Variants in SLC25A26 observed in about 807,000 individuals in gnomAD.
The protein encoded by SLC25A26 is solute carrier family 25 member 26, also known as mitochondrial S-adenosylmethionine carrier protein.
Under a neutral mutation model 37.8 loss-of-function variants are expected in SLC25A26, and 36 were observed. The observed-to-expected ratio is 0.95, with a 90% CI of 0.73 to 1.26. The LOEUF is 1.26. Ranked by LOEUF, SLC25A26 falls within the 50% of genes most tolerant of loss-of-function variation. The pLI, the probability that SLC25A26 is intolerant of heterozygous loss-of-function variation, is 0.00. For synonymous variants in SLC25A26, 129 were observed against 122.5 expected (o/e 1.05, Z -0.35); for missense variants, 390 against 331.1 (o/e 1.18, Z -1.38).
intron 5 of SLC25A26, among the ~76,000 whole-genome samples, chr3:66,280,580 C>T (rs931676899): frequency 1.8e-4 from 28 of 152,174 alleles, no homozygotes; most frequent in Admixed American, 7.2e-4. Flanking sequence ...GAACTCTTAA[C>T]GCTCGTCTAG....
At chr3:66,377,113 T>C (rs1347501556) in intron 9 of SLC25A26, among the ~76,000 whole-genome samples, 1 of 152,126 alleles carries the variant, frequency 6.6e-6, no homozygotes, top group African/African-American at 2.4e-5. Context: ...GGCATTGTAG[T>C]TTTACTTTGC....
chr3:66,280,509 T>G (rs908010834), intron 5 of SLC25A26, among the ~76,000 whole-genome samples: 9 of 152,204 alleles, frequency 5.9e-5, no homozygotes, highest in Non-Finnish European at 1.3e-4. Context: ...GTGGTGTAAC[T>G]TGATCTACAT....
At chr3:66,256,965 G>C (rs2073328955) in intron 3 of SLC25A26, among the ~76,000 whole-genome samples, 2 of 152,088 alleles carry the variant, frequency 1.3e-5, no homozygotes, top group Non-Finnish European at 1.5e-5. Context: ...TTTTTTTGCT[G>C]ATTCATTTCC....
intron 1 of SLC25A26, among the ~76,000 whole-genome samples, chr3:66,214,012 A>G (rs1236435106): frequency 1.3e-5 from 2 of 152,200 alleles, no homozygotes; most frequent in African/African-American, 4.8e-5. Flanking sequence ...AGTAATGCAA[A>G]AATCCCCAGA....
intron 5 of SLC25A26, among the ~76,000 whole-genome samples, chr3:66,340,840 T>C (rs1205415274): frequency 1.3e-5 from 2 of 152,028 alleles, no homozygotes; most frequent in Non-Finnish European, 2.9e-5. Flanking sequence ...CATTTTTATG[T>C]AACTTTTTGA....
intron 1 of SLC25A26, among the ~76,000 whole-genome samples, chr3:66,211,644 G>A (rs1259379528): frequency 6.6e-6 from 1 of 152,066 alleles, no homozygotes; most frequent in Non-Finnish European, 1.5e-5. Context: ...GTGACCAGTT[G>A]AGAGAAAAAA....
chr3:66,164,244 C>A (rs2070395988), intron 1 of SLC25A26, among the ~76,000 whole-genome samples: 2 of 152,134 alleles, frequency 1.3e-5, no homozygotes, highest in South Asian at 2.1e-4. Flanking sequence ...TTGAAATTTT[C>A]TCTTGTAACA....
chr3:66,307,352 G>A (rs1241459448), intron 5 of SLC25A26, among the ~76,000 whole-genome samples: 2 of 152,112 alleles, frequency 1.3e-5, no homozygotes, highest in Non-Finnish European at 2.9e-5. Context: ...TGATGGGGTC[G>A]TTTGTTTTTT....
At chr3:66,197,944 TAGAC>T (rs2071066288) in intron 1 of SLC25A26, among the ~76,000 whole-genome samples, 1 of 151,970 alleles carries the variant, frequency 6.6e-6, no homozygotes, top group Non-Finnish European at 1.5e-5. Flanking sequence ...GTGATGGTCA[TAGAC>T]AGGATCAGGG....
chr3:66,139,142 T>C (rs1218938513), intron 1 of SLC25A26, among the ~76,000 whole-genome samples: 2 of 151,986 alleles, frequency 1.3e-5, no homozygotes, highest in African/African-American at 4.8e-5. Flanking sequence ...ATCTCACTTC[T>C]CTTTACTGTA....
At chr3:66,158,271 T>C (rs1317462642) in intron 1 of SLC25A26, among the ~76,000 whole-genome samples, 2 of 152,276 alleles carry the variant, frequency 1.3e-5, no homozygotes, top group Admixed American at 6.5e-5. Flanking sequence ...GTTTCATCTA[T>C]GTTGTAGCAT....
At chr3:66,202,412 A>C (rs1217085707) in intron 1 of SLC25A26, among the ~76,000 whole-genome samples, 2 of 151,668 alleles carry the variant, frequency 1.3e-5, no homozygotes, top group Non-Finnish European at 2.9e-5. Context: ...TACCAAATGC[A>C]TGTGGGGCTT....
At chr3:66,297,179 A>G (rs2074929556) in intron 5 of SLC25A26, among the ~76,000 whole-genome samples, 1 of 151,954 alleles carries the variant, frequency 6.6e-6, no homozygotes, top group African/African-American at 2.4e-5. Flanking sequence ...TACAAAAAAA[A>G]TAGCTGGGCA....
chr3:66,135,817 A>G (rs1468726476), intron 1 of SLC25A26, among the ~76,000 whole-genome samples: 1 of 152,186 alleles, frequency 6.6e-6, no homozygotes, highest in Non-Finnish European at 1.5e-5. Context: ...CAGTCTTAAC[A>G]TAAGTATAAG....
At chr3:66,276,719 T>A (rs1340252364) in intron 5 of SLC25A26, among the ~76,000 whole-genome samples, 1 of 152,060 alleles carries the variant, frequency 6.6e-6, no homozygotes, top group East Asian at 1.9e-4. Flanking sequence ...CTTGAAGTGG[T>A]TTTGGTATAC....
In SLC25A26 at chr3:66,371,223, C is replaced by T. The variant is rs764395489; in HGVS notation, c.707+621C>T. On this transcript the variant is annotated intron_variant, in intron 9 of 9. Coordinates refer to ENST00000354883, the MANE Select transcript of SLC25A26 (RefSeq NM_001379210.1). ...TTAGGGACCATATACCAGGGATTTT[C>T]TTGCAAGAGCAAAGCAGTGGCCTCC... is the stretch of plus-strand genomic sequence containing the variant. 31 of 1,523,898 alleles carry T rather than the reference C, an allele frequency of 2.0e-5. No individual in the cohort carries two copies. In the South Asian group the frequency reaches 2.6e-4, roughly 13 times the overall value. 94.4% of individuals were successfully genotyped at this position (1,523,898 alleles called of 1,614,324 possible).
chr3:66,155,087 T>C (rs1162199488), intron 1 of SLC25A26, among the ~76,000 whole-genome samples: 1 of 152,228 alleles, frequency 6.6e-6, no homozygotes, highest in African/African-American at 2.4e-5. Context: ...CTTTATTTGA[T>C]TAATAGCTGT....
chr3:66,290,103 T>G (rs9872639), intron 5 of SLC25A26, among the ~76,000 whole-genome samples: 7,373 of 152,114 alleles, frequency 0.048, 600 homozygotes, highest in African/African-American at 0.17. Flanking sequence ...ATTCACTCAT[T>G]ATTTGGCTGT....
chr3:66,237,192 T>A lies in SLC25A26; in HGVS notation c.190+492T>A, dbSNP rs533614916. 3.1e-4 allele frequency among the ~76,000 whole-genome samples: 47 copies of A among 152,306 alleles called. No homozygotes were observed. The East Asian group carries it at 5.6e-3, about 18-fold the overall frequency. ...TGTTATAGATTCCATTTCAATATAT[T>A]TGTAGTAGGGAAAAAAAAAGCAATC... On this transcript the variant is annotated intron_variant, in intron 2 of 9. Coordinates refer to ENST00000354883, the MANE Select transcript of SLC25A26 (RefSeq NM_001379210.1).
Sources: gnomAD v4.1 joint callset for allele counts (sites outside exome capture counted in the v4.1 genomes callset) on GRCh38, gnomAD v4.1.1 for gene constraint, MANE v1.5 for transcripts, NCBI Gene and HGNC (gene_info 2026-07-23, HGNC 2026-07-21) for gene names.